The following STS variants were observed in gnomAD, a reference collection of about 807,000 sequenced individuals.
STS encodes steroid sulfatase.
In STS, 7 loss-of-function variants were observed where a neutral mutation model predicts 26.8. The ratio of observed to expected loss-of-function variants is 0.26; its 90% CI spans 0.15 to 0.49. The LOEUF (loss-of-function observed/expected upper bound fraction) is 0.49. STS is among the 20% of genes least tolerant of loss of function. The probability of loss-of-function intolerance (pLI) is 0.98; values close to 1 mark genes in which losing one functional copy is unlikely to be tolerated. For missense variants in STS, 434 were observed against 465.6 expected, an observed-to-expected ratio of 0.93 and a Z score of 0.63; for synonymous variants, 199 against 189.4, an observed-to-expected ratio of 1.05 and a Z score of -0.42.
chrX:7,322,226 G>T (rs1222910794), intron 8 of STS, among the ~76,000 whole-genome samples: 1 of 112,149 alleles, frequency 8.9e-6, no homozygotes, highest in Non-Finnish European at 1.9e-5. Flanking sequence ...CTGGCTAGCA[G>T]AGGTGGTCTT....
At chrX:7,241,528 TTA>T (rs1397743529) in intron 2 of STS, among the ~76,000 whole-genome samples, 2 of 112,151 alleles carry the variant, frequency 1.8e-5, no homozygotes, top group African/African-American at 6.5e-5. Flanking sequence ...CTTAAATTGC[TTA>T]TATAAATTCT....
At chrX:7,282,545 C>T (rs1189192059) in intron 7 of STS, among the ~76,000 whole-genome samples, 1 of 112,021 alleles carries the variant, frequency 8.9e-6, no homozygotes, top group African/African-American at 3.2e-5. Flanking sequence ...ACTCTCATTT[C>T]GTATTTCCTA....
chrX:7,212,136 T>A (rs1601656483), intron 2 of STS, among the ~76,000 whole-genome samples: 1 of 111,614 alleles, frequency 9.0e-6, no homozygotes, highest in Admixed American at 9.6e-5. Flanking sequence ...ATGGAAGATG[T>A]GAATTGAGAA....
intron 2 of STS, among the ~76,000 whole-genome samples, chrX:7,205,869 G>A (rs1156555456): frequency 2.8e-5 from 3 of 108,647 alleles, no homozygotes; most frequent in African/African-American, 1.0e-4. Flanking sequence ...TCCTGCCTCA[G>A]CCTCACAACA....
At chrX:7,275,804 C>A (rs1924498610) in intron 6 of STS, 147 bp from the exon 7 acceptor site, 2 of 663,709 alleles carry the variant, frequency 3.0e-6, no homozygotes, top group Non-Finnish European at 4.5e-6. Flanking sequence ...ACAGAAGATA[C>A]CATATTAGGC....
intron 2 of STS, among the ~76,000 whole-genome samples, chrX:7,229,953 A>T (rs1298479211): frequency 9.1e-6 from 1 of 110,213 alleles, no homozygotes; most frequent in Non-Finnish European, 1.9e-5. Context: ...ATCATGGTTC[A>T]CTGCAGCCTT....
chrX:7,230,511 G>A (rs1922011114), intron 2 of STS, among the ~76,000 whole-genome samples: 1 of 112,015 alleles, frequency 8.9e-6, no homozygotes, highest in South Asian at 3.7e-4. Context: ...CATTGTATTG[G>A]TCCACTCTCA....
At chrX:7,261,696 T>G (rs890236114) in intron 6 of STS, among the ~76,000 whole-genome samples, 1 of 111,691 alleles carries the variant, frequency 9.0e-6, no homozygotes, top group African/African-American at 3.3e-5. Context: ...GGTACAACAG[T>G]GTCCTGCTAC....
chrX:7,201,722 T>A (rs1375332397), intron 2 of STS, among the ~76,000 whole-genome samples: 1 of 110,942 alleles, frequency 9.0e-6, no homozygotes, highest in Non-Finnish European at 1.9e-5. Context: ...TTTAGGGAAC[T>A]GCGCCAGAGA....
intron 8 of STS, 64 bp downstream of exon 8, chrX:7,305,247 G>T: frequency 8.5e-7 from 1 of 1,183,332 alleles, no homozygotes; most frequent in South Asian, 1.8e-5. Context: ...CTTTTTTCTT[G>T]ATTTTCGAGC....
At chrX:7,236,641 A>C (rs1922321905) in intron 2 of STS, among the ~76,000 whole-genome samples, 1 of 93,584 alleles carries the variant, frequency 1.1e-5, no homozygotes, top group Non-Finnish European at 2.2e-5. Flanking sequence ...TTACTTACCA[A>C]TAATTTTAAA....
chrX:7,333,451 T>A (rs1327977191), intron 9 of STS, among the ~76,000 whole-genome samples: 1 of 112,194 alleles, frequency 8.9e-6, no homozygotes, highest in African/African-American at 3.2e-5. Flanking sequence ...TTATTATATA[T>A]ACATTAATTC....
rs748041421 is a variant in STS, at chrX:7,275,929, CTTTTT to C, written c.807-9_807-5del. 76 of 1,072,946 alleles carry C rather than the reference CTTTTT, an allele frequency of 7.1e-5. No individual in the cohort carries two copies. The highest frequency in any genetic ancestry group is 1.5e-4 in the Admixed American group (5 of 33,216). The allele number at this position is 1,072,946 out of a possible 1,213,427, so 88.4% of individuals were successfully genotyped here. On this transcript the variant is annotated splice_polypyrimidine_tract_variant and intron_variant, in intron 6 of 10. Transcript: ENST00000674429. ...TTATCTGTGGTCTTTTTTTTCCTCC[CTTTTT>C]TTTTTTTTTTTTGCAGGAACACTGA... is the stretch of plus-strand genomic sequence containing the variant.
intron 1 of STS, among the ~76,000 whole-genome samples, chrX:7,183,827 C>A (rs1331282559): frequency 9.0e-6 from 1 of 110,784 alleles, no homozygotes; most frequent in Non-Finnish European, 1.9e-5. Flanking sequence ...CATGGCGAAA[C>A]CTCATCTCTA....
At chrX:7,277,964 C>T (rs954684733) in intron 7 of STS, among the ~76,000 whole-genome samples, 4 of 112,432 alleles carry the variant, frequency 3.6e-5, no homozygotes, top group African/African-American at 6.5e-5. Context: ...AGCAACCTCA[C>T]GCTGATCTCA....
intron 9 of STS, among the ~76,000 whole-genome samples, chrX:7,327,710 A>T (rs965379085): frequency 2.1e-4 from 23 of 111,206 alleles, no homozygotes; most frequent in Admixed American, 1.4e-3. Flanking sequence ...TCATCACTGC[A>T]GGGTAAGCGT....
intron 3 of STS, among the ~76,000 whole-genome samples, chrX:7,254,863 A>G (rs1299967633): frequency 9.0e-6 from 1 of 111,144 alleles, no homozygotes; most frequent in African/African-American, 3.3e-5. Context: ...GGTTACAGGC[A>G]TGAGCCACTG....
At chrX:7,202,422 C>T (rs1413998803) in intron 2 of STS, among the ~76,000 whole-genome samples, 1 of 111,211 alleles carries the variant, frequency 9.0e-6, no homozygotes, top group Non-Finnish European at 1.9e-5. Flanking sequence ...ATTAATTTTA[C>T]CTCATGGTAT....
At position 7,147,946 on chromosome X, in the gene STS, G is replaced by T; in HGVS notation, c.-271G>T. 1 of 640,417 alleles carries T rather than the reference G, an allele frequency of 1.6e-6. No individual in the cohort carries two copies. Among genetic ancestry groups the T allele is most frequent in the Non-Finnish European group, 2.4e-6 (1 of 419,494 alleles). 52.8% of individuals were successfully genotyped at this position (640,417 alleles called of 1,213,427 possible). On this transcript the variant is annotated 5_prime_UTR_variant, in exon 1 of 11. The change abolishes an upstream ATG in the 5' untranslated region. Coordinates refer to ENST00000674429, the MANE Select transcript of STS (RefSeq NM_001320752.2). ...CGCGGGAGCCCGAGCGTCCCTGCAT[G>T]AACACCGCCCCGCCGCGGCCCCCAG...
Sources: allele counts gnomAD v4.1 joint callset (sites outside exome capture counted in the v4.1 genomes callset), GRCh38; gene constraint gnomAD v4.1.1; transcripts MANE v1.5; gene names NCBI Gene and HGNC (gene_info 2026-07-23, HGNC 2026-07-21).